The following PKNOX2 variants were observed in gnomAD, a reference collection of about 807,000 sequenced individuals.
PKNOX2 encodes homeobox protein PKNOX2.
Under a neutral mutation model 53.1 loss-of-function variants are expected in PKNOX2, and 14 were observed. The observed-to-expected ratio is 0.26, with a 90% CI of 0.17 to 0.41. The LOEUF (loss-of-function observed/expected upper bound fraction) is 0.41, where lower values mean the gene tolerates loss of function less well. Ranked by LOEUF, PKNOX2 falls within the 10% of genes least tolerant of loss-of-function variation. The pLI, the probability that PKNOX2 is intolerant of heterozygous loss-of-function variation, is 1.00. For synonymous variants in PKNOX2, 257 were observed against 242.8 expected, an observed-to-expected ratio of 1.06 and a Z score of -0.54; for missense variants, 496 against 602.8, an observed-to-expected ratio of 0.82 and a Z score of 1.85.
chr11:125,302,173 A>T (rs1432398595), intron 2 of PKNOX2, among the ~76,000 whole-genome samples: 2 of 152,154 alleles, frequency 1.3e-5, no homozygotes, highest in Non-Finnish European at 2.9e-5. Flanking sequence ...TGGAAGGATG[A>T]GTGGACTCCC....
intron 10 of PKNOX2, among the ~76,000 whole-genome samples, chr11:125,414,729 C>A (rs553822861): frequency 1.9e-4 from 27 of 144,694 alleles, no homozygotes; most frequent in African/African-American, 6.6e-4. Flanking sequence ...GTGTGATTAC[C>A]CTGATTCTAT....
At chr11:125,400,130 G>A (rs1199342340) in intron 7 of PKNOX2, among the ~76,000 whole-genome samples, 1 of 152,170 alleles carries the variant, frequency 6.6e-6, no homozygotes, top group African/African-American at 2.4e-5. Context: ...CCATTGATCA[G>A]CTGGGAAAGA....
intron 3 of PKNOX2, among the ~76,000 whole-genome samples, chr11:125,335,577 G>A (rs1284546645): frequency 1.3e-5 from 2 of 152,192 alleles, no homozygotes; most frequent in Non-Finnish European, 2.9e-5. Flanking sequence ...TCTTTGGACT[G>A]AGCACTTATA....
intron 2 of PKNOX2, among the ~76,000 whole-genome samples, chr11:125,264,996 A>C (rs114399320): frequency 0.02 from 2,974 of 152,200 alleles, 104 homozygotes; most frequent in African/African-American, 0.068. Flanking sequence ...TAAAACAGTT[A>C]CAGGGCTTAT....
intron 2 of PKNOX2, among the ~76,000 whole-genome samples, chr11:125,296,915 C>T (rs1181607720): frequency 6.6e-6 from 1 of 152,128 alleles, no homozygotes; most frequent in Non-Finnish European, 1.5e-5. Flanking sequence ...ATTACAGGGG[C>T]GAGCCATGGC....
intron 2 of PKNOX2, among the ~76,000 whole-genome samples, chr11:125,315,388 C>T (rs973386627): frequency 1.0e-4 from 15 of 150,676 alleles, no homozygotes; most frequent in Non-Finnish European, 2.2e-4. Flanking sequence ...AACTGGTGGG[C>T]GGCTCTGCCT....
intron 2 of PKNOX2, among the ~76,000 whole-genome samples, chr11:125,248,775 G>A (rs1387842202): frequency 2.0e-5 from 3 of 147,400 alleles, no homozygotes; most frequent in African/African-American, 5.0e-5. Context: ...AGTATATGGT[G>A]TGTCCTATAT....
intron 2 of PKNOX2, among the ~76,000 whole-genome samples, chr11:125,330,776 C>T (rs375196825): frequency 2.0e-5 from 3 of 152,276 alleles, no homozygotes; most frequent in South Asian, 2.1e-4. Flanking sequence ...TTCCACCACC[C>T]CTTGCAGCTC....
chr11:125,417,126 G>A (rs925939476), intron 10 of PKNOX2, among the ~76,000 whole-genome samples: 3 of 151,986 alleles, frequency 2.0e-5, no homozygotes, highest in South Asian at 4.1e-4. Context: ...GACTCAGGTC[G>A]GCCGAGAGCC....
intron 1 of PKNOX2, among the ~76,000 whole-genome samples, chr11:125,178,601 G>GA (rs1565462334): frequency 7.4e-5 from 2 of 26,870 alleles, no homozygotes; most frequent in African/African-American, 2.8e-4. Context: ...AAGGAAGGAA[G>GA]GAAGGAAGGA....
chr11:125,431,058 AAGG>A, intron 12 of PKNOX2, 105 bp from the exon 13 acceptor site: 3 of 1,469,276 alleles, frequency 2.0e-6, no homozygotes, highest in South Asian at 2.8e-5. Context: ...CTCTAAAAAC[AAGG>A]AGTTCACTGC....
At position 125,432,960 on chromosome 11, in the gene PKNOX2, C is replaced by T. The variant is rs1375330607; in HGVS notation, c.*1568C>T. On this transcript the variant is annotated 3_prime_UTR_variant, in exon 13 of 13. Transcript: ENST00000298282. ...GGATGGTCACTCTTCCGAGGTCTCC[C>T]TGAAATGAATGTATTTCTCCCCCAA... 1 of 152,616 alleles carries T rather than the reference C, an allele frequency of 6.6e-6. No individual in the cohort carries two copies. Among genetic ancestry groups the T allele is most frequent in the Non-Finnish European group, 1.5e-5 (1 of 68,048 alleles). The allele number at this position is 152,616 out of a possible 1,614,324, so 9.5% of individuals were successfully genotyped here.
intron 2 of PKNOX2, among the ~76,000 whole-genome samples, chr11:125,314,646 A>G (rs1949044858): frequency 6.6e-6 from 1 of 152,072 alleles, no homozygotes; most frequent in African/African-American, 2.4e-5. Context: ...CAGAGGAGGC[A>G]GTGCAGCCCC....
At chr11:125,190,893 G>A (rs1217794110) in intron 1 of PKNOX2, 2 of 152,138 alleles carry the variant, frequency 1.3e-5, no homozygotes, top group Non-Finnish European at 2.9e-5. Flanking sequence ...ATCATGTACT[G>A]CCTCATGACT....
At chr11:125,363,638 G>C (rs890180436) in intron 4 of PKNOX2, among the ~76,000 whole-genome samples, 3 of 152,140 alleles carry the variant, frequency 2.0e-5, no homozygotes, top group Admixed American at 2.0e-4. Context: ...GCCAAGGCAG[G>C]GTCTCCAGAG....
chr11:125,187,430 AT>A (rs2135314910), intron 1 of PKNOX2, among the ~76,000 whole-genome samples: 1 of 152,262 alleles, frequency 6.6e-6, no homozygotes, highest in African/African-American at 2.4e-5. Context: ...CCTTGGTTAA[AT>A]TTATTTCTAG....
intron 4 of PKNOX2, among the ~76,000 whole-genome samples, chr11:125,366,849 T>C (rs780262768): frequency 2.4e-4 from 37 of 152,260 alleles, no homozygotes; most frequent in Admixed American, 3.3e-4. Flanking sequence ...ACTCATTTTC[T>C]CCGCAAGTAT....
At chr11:125,227,949 T>C (rs1172825027) in intron 1 of PKNOX2, among the ~76,000 whole-genome samples, 1 of 152,018 alleles carries the variant, frequency 6.6e-6, no homozygotes, top group African/African-American at 2.4e-5. Flanking sequence ...CTTGAAAGGC[T>C]CAGGAGGCCC....
intron 1 of PKNOX2, among the ~76,000 whole-genome samples, chr11:125,229,918 C>T (rs1455708014): frequency 1.3e-5 from 2 of 152,168 alleles, no homozygotes; most frequent in African/African-American, 2.4e-5. Context: ...CTTGCTTCTG[C>T]CTGGTGTAGA....
Sources: allele counts gnomAD v4.1 joint callset (sites outside exome capture counted in the v4.1 genomes callset), GRCh38; gene constraint gnomAD v4.1.1; transcripts MANE v1.5; gene names NCBI Gene and HGNC (gene_info 2026-07-23, HGNC 2026-07-21).